The following GON4L variants were observed in gnomAD, a reference collection of about 807,000 sequenced individuals.
GON4L encodes gon-4 like.
In GON4L, 87 loss-of-function variants were observed where a neutral mutation model predicts 211.8. That is an observed-to-expected ratio of 0.41 (90% CI 0.35 to 0.49). GON4L has a LOEUF of 0.49. Ranked by LOEUF, GON4L falls within the 20% of genes least tolerant of loss-of-function variation. GON4L has a pLI of 0.15. For missense variants in GON4L, 2,155 were observed against 2,659.5 expected (o/e 0.81, Z 4.17); for synonymous variants, 875 against 962.6 (o/e 0.91, Z 1.68).
At chr1:155,821,621 C>G (rs566106686) in intron 4 of GON4L, 73 bp from the exon 5 acceptor site, 154 of 857,758 alleles carry the variant, frequency 1.8e-4, no homozygotes, top group Non-Finnish European at 3.0e-4. Flanking sequence ...CTCCATGTAA[C>G]TGTCAGACCT....
chr1:155,836,242 T>C (rs1177003424), intron 2 of GON4L, among the ~76,000 whole-genome samples: 1 of 126,720 alleles, frequency 7.9e-6, no homozygotes, highest in Non-Finnish European at 1.6e-5. Flanking sequence ...ATGTGTGTTT[T>C]GTTTTCGTTT....
At chr1:155,760,708 G>A in intron 23 of GON4L, 67 bp from the exon 24 acceptor site, 1 of 1,066,994 alleles carries the variant, frequency 9.4e-7, no homozygotes, top group African/African-American at 1.5e-5. Context: ...AAGGGTACAA[G>A]GGAGAAGGCA....
intron 31 of GON4L, 59 bp from the exon 32 acceptor site, chr1:155,750,792 C>A: frequency 6.6e-7 from 1 of 1,506,228 alleles, no homozygotes; most frequent in Non-Finnish European, 9.0e-7. Flanking sequence ...GAGACGGAGT[C>A]TCTCTCTGTT....
chr1:155,808,053 T>A (rs1328452168), intron 10 of GON4L, among the ~76,000 whole-genome samples: 5 of 151,992 alleles, frequency 3.3e-5, no homozygotes, highest in Non-Finnish European at 7.4e-5. Context: ...TTTTTTTTTT[T>A]TTTGAGATGG....
At chr1:155,791,312 A>G (rs904359686) in intron 12 of GON4L, among the ~76,000 whole-genome samples, 2 of 151,972 alleles carry the variant, frequency 1.3e-5, no homozygotes, top group African/African-American at 4.8e-5. Context: ...TAATTTTTCA[A>G]TTTTTCTATA....
In GON4L at chr1:155,765,761, C is replaced by T; in HGVS notation, c.3712G>A (p.Gly1238Arg). ...NVDIACAVAD[G>R]ENAFQGLEPK... The stretch of plus-strand genomic sequence containing the variant: ...TCTAGGCCCTGAAAGGCATTTTCCC[C>T]ATCAGCCACAGCACAAGCAATGTCC... Residue 1238 changes from glycine to arginine, a missense_variant, in exon 21 of 32, where the codon GGG becomes AGG. Around this residue, in one of 6 missense-constraint regions of GON4L, gnomAD observed 615 missense variants for 625.7 expected, o/e 0.98. Transcript: ENST00000368331. The T allele has an allele frequency of 6.2e-7, 1 of 1,614,180 alleles. No individual in the cohort carries two copies. The highest frequency in any genetic ancestry group is 8.5e-7 in the Non-Finnish European group (1 of 1,180,038).
In GON4L at chr1:155,787,548, A is replaced by G. The variant is rs939616510; in HGVS notation, c.1748-2174T>C. ...AGCACTTTAGGAGGCCGAGGCAGGC[A>G]GATCATCTGCGGTCAGGAGTTCGAG... is the stretch of plus-strand genomic sequence containing the variant. On this transcript the variant is annotated intron_variant, in intron 12 of 31. Coordinates refer to ENST00000368331, the MANE Select transcript of GON4L (RefSeq NM_001282860.2). Among the ~76,000 whole-genome samples, 6 of 152,162 alleles carry G rather than the reference A, an allele frequency of 3.9e-5. No individual in the cohort carries two copies. The East Asian group carries it at 1.2e-3, about 29-fold the overall frequency.
intron 15 of GON4L, 86 bp downstream of exon 15, chr1:155,777,536 G>T: frequency 1.0e-6 from 1 of 972,860 alleles, no homozygotes; most frequent in Admixed American, 1.7e-5. Context: ...CCGATATCGG[G>T]CCACTGCACT....
rs1203909659 is a variant in GON4L at position 155,773,197 on chromosome 1, G to A, written c.2364C>T (p.Pro788=). 6.2e-7 allele frequency: 1 copy of A among 1,614,038 alleles called. No homozygotes were observed. The highest frequency in any genetic ancestry group is 1.1e-5 in the South Asian group (1 of 91,082). Residue 788 remains proline, a synonymous_variant, in exon 18 of 32, where the codon CCC becomes CCT. Coordinates refer to ENST00000368331, the MANE Select transcript of GON4L (RefSeq NM_001282860.2). ...TCCAAGCCACTTGCTTTGGCAAACAGGGAAATTCATTCGCTATAAGAAAAT... is the reference window on the plus strand; with the variant it reads ...TCCAAGCCACTTGCTTTGGCAAACAAGGAAATTCATTCGCTATAAGAAAAT... ...KTVKKTANEF[P]CLPKQVAWIL...
rs763057222 is a variant in GON4L, at chr1:155,813,744, G to A, written c.1342C>T (p.Pro448Ser). 2 of 1,613,750 alleles carry A rather than the reference G, an allele frequency of 1.2e-6. No individual in the cohort carries two copies. Among genetic ancestry groups the A allele is most frequent in the Non-Finnish European group, 1.7e-6 (2 of 1,179,650 alleles). The change falls in exon 10 of 32, where the codon CCC becomes TCC. Residue 448 changes from proline (P) to serine (S), a missense_variant. Physicochemically the swap from Pro to Ser is moderately conservative, Grantham distance 74. This residue lies in a region of GON4L where 551 missense variants were observed against 854.0 expected (regional missense o/e 0.65). Coordinates refer to ENST00000368331, the MANE Select transcript of GON4L (RefSeq NM_001282860.2). The part of the protein sequence containing the change: ...HISAEVVPMG[P>S]PPPPKPKQTR... ...TGTTTCGGCTTTGGAGGGGGCGGGG[G>A]CCCCATGGGCACTACCTCAGCACTG...
At chr1:155,849,683 A>C (rs1671595125) in intron 2 of GON4L, among the ~76,000 whole-genome samples, 1 of 149,176 alleles carries the variant, frequency 6.7e-6, no homozygotes, top group Non-Finnish European at 1.5e-5. Context: ...CTACGGCAGG[A>C]GAATTGCTTG....
chr1:155,858,115 C>T (rs1168316025), upstream of GON4L, among the ~76,000 whole-genome samples: 2 of 152,034 alleles, frequency 1.3e-5, no homozygotes, highest in East Asian at 3.9e-4. Context: ...ATGCATTGAC[C>T]CAGTGTCCAG....
chr1:155,754,524 GTTTTTTT>G (rs760971402), intron 27 of GON4L, 36 bp from the exon 28 acceptor site: 26 of 475,344 alleles, frequency 5.5e-5, no homozygotes, highest in East Asian at 1.2e-4. Context: ...CTGCCAAGTT[GTTTTTTT>G]TTTTTTTTTT....
Position 155,763,354 on chromosome 1 carries a change from G to C in GON4L, c.4684C>G (p.Pro1562Ala). The C allele has an allele frequency of 6.2e-7, 1 of 1,613,842 alleles. No individual in the cohort carries two copies. Among genetic ancestry groups the C allele is most frequent in the Non-Finnish European group, 8.5e-7 (1 of 1,179,816 alleles). The change falls in exon 22 of 32, where the codon CCT becomes GCT. Residue 1562 changes from proline (P) to alanine (A), a missense_variant. By Grantham distance (27) the Pro-to-Ala change is conservative. Around this residue, in one of 6 missense-constraint regions of GON4L, gnomAD observed 455 missense variants for 504.6 expected, o/e 0.90. Coordinates refer to ENST00000368331, the MANE Select transcript of GON4L (RefSeq NM_001282860.2). ...SAEKPPTFAS[P>A]ETAPEVETSR... The stretch of plus-strand genomic sequence containing the variant: ...GTCTCCACTTCTGGAGCAGTCTCAG[G>C]TGAAGCAAAAGTAGGAGGCTTCTCA...
intron 21 of GON4L, chr1:155,764,715 A>G (rs1275994670): frequency 4.5e-6 from 4 of 888,142 alleles, no homozygotes; most frequent in Non-Finnish European, 7.0e-6. Context: ...CTGGGACTAC[A>G]GGAGTGAGCC....
At chr1:155,796,491 T>C (rs527887311) in intron 11 of GON4L, among the ~76,000 whole-genome samples, 24 of 152,134 alleles carry the variant, frequency 1.6e-4, no homozygotes, top group Non-Finnish European at 2.5e-4. Context: ...TTGGCCAAGC[T>C]GGTCTCGAAC....
chr1:155,791,924 TCACATAAC>T (rs1557867480), intron 12 of GON4L, among the ~76,000 whole-genome samples: 1,685 of 86,508 alleles, frequency 0.019, 32 homozygotes, highest in African/African-American at 0.062. Context: ...TAACATAACA[TCACATAAC>T]ATAACATAAC....
At chr1:155,804,917 G>C in intron 11 of GON4L, 32 bp downstream of exon 11, 1 of 1,491,920 alleles carries the variant, frequency 6.7e-7, no homozygotes, top group Non-Finnish European at 9.4e-7. Flanking sequence ...ATAATGGACA[G>C]TATACATAAT....
intron 2 of GON4L, 128 bp downstream of exon 2, chr1:155,853,148 A>G (rs1671964433): frequency 1.1e-6 from 1 of 896,260 alleles, no homozygotes; most frequent in Non-Finnish European, 1.9e-6. Context: ...CCTTAGCAAC[A>G]CAGCAGTTCC....
Sources: gnomAD v4.1 joint callset for allele counts (sites outside exome capture counted in the v4.1 genomes callset) on GRCh38, gnomAD v4.1.1 for gene constraint, gnomAD v4.1.1 regional missense constraint, MANE v1.5 for transcripts, NCBI Gene and HGNC (gene_info 2026-07-23, HGNC 2026-07-21) for gene names.